The following OASL variants were observed in gnomAD, a reference collection of about 807,000 sequenced individuals.
The protein encoded by OASL is 2'-5'-oligoadenylate synthase-like protein.
Under a neutral mutation model 35.3 loss-of-function variants are expected in OASL, and 28 were observed. That is an observed-to-expected ratio of 0.79 (90% CI 0.59 to 1.09). The LOEUF is 1.09. Among genes scored for constraint, OASL ranks in the 50% least tolerant of loss-of-function variants. The pLI, the probability that OASL is intolerant of heterozygous loss-of-function variation, is 0.00. For missense variants in OASL, 620 were observed against 635.2 expected (o/e 0.98, Z 0.26); for synonymous variants, 252 against 254.6 (o/e 0.99, Z 0.10).
chr12:121,026,577 T>C (rs945001310), intron 4 of OASL, among the ~76,000 whole-genome samples: 1 of 152,120 alleles, frequency 6.6e-6, no homozygotes, highest in African/African-American at 2.4e-5. Flanking sequence ...TGGGGCCCAG[T>C]GCGGTGGCTC....
chr12:121,018,146 A>C (rs901327588), downstream of OASL, among the ~76,000 whole-genome samples: 89 of 152,190 alleles, frequency 5.8e-4, no homozygotes, highest in African/African-American at 2.1e-3. Flanking sequence ...ACCTCTGGGA[A>C]GTAATTAGTG....
intron 2 of OASL, among the ~76,000 whole-genome samples, chr12:121,031,913 G>A (rs1205592494): frequency 7.2e-5 from 11 of 152,058 alleles, no homozygotes; most frequent in Non-Finnish European, 1.6e-4. Flanking sequence ...TAGGGAGGCC[G>A]GGTGTGGTGG....
At chr12:121,033,405 G>T in intron 2 of OASL, 56 bp downstream of exon 2, 7 of 1,561,138 alleles carry the variant, frequency 4.5e-6, no homozygotes, top group South Asian at 1.2e-5. Context: ...TGAGACACTG[G>T]GAAGTCTCCT....
exon 6 of OASL, chr12:121,020,535 T>G: frequency 6.4e-7 from 1 of 1,572,260 alleles, no homozygotes; most frequent in Non-Finnish European, 8.6e-7. Context: ...ATGGCAGAAA[T>G]GTACAGAGAA....
intron 5 of OASL, 67 bp from the exon 6 acceptor site, chr12:121,021,125 C>CT: frequency 6.9e-7 from 1 of 1,454,290 alleles, no homozygotes; most frequent in Non-Finnish European, 9.1e-7. Context: ...CAAATGTTCC[C>CT]TTCATCTGTC....
At chr12:121,035,557 A>G (rs1054675086) in intron 1 of OASL, among the ~76,000 whole-genome samples, 1 of 152,026 alleles carries the variant, frequency 6.6e-6, no homozygotes, top group Non-Finnish European at 1.5e-5. Flanking sequence ...AAACGCCTTC[A>G]CTTCCTGTAT....
exon 6 of OASL, chr12:121,019,318 A>G (rs1869144449): frequency 6.6e-6 from 1 of 152,200 alleles, no homozygotes. Context: ...GAGGCTGTTG[A>G]TAACCAATTG....
chr12:121,033,456 C>T lies in OASL; in HGVS notation c.481+5G>A. 6.2e-7 allele frequency: 1 copy of T among 1,604,228 alleles called. No homozygotes were observed. The highest frequency in any genetic ancestry group is 2.2e-5 in the East Asian group (1 of 44,564). On this transcript the variant is annotated splice_donor_5th_base_variant and intron_variant, in intron 2 of 5. Coordinates refer to ENST00000257570, the Ensembl canonical transcript of OASL. ...GTGAGTCGGGTGAGCTTCCCCTCCC[C>T]TTACCCAGGGCTCTGTAGGCAGGCA...
At chr12:121,022,309 T>A (rs907644201) in intron 5 of OASL, among the ~76,000 whole-genome samples, 3 of 152,122 alleles carry the variant, frequency 2.0e-5, no homozygotes, top group African/African-American at 7.2e-5. Context: ...ATGGTTTCGA[T>A]CTCTTGACCT....
At chr12:121,034,990 G>A (rs938018073) in intron 1 of OASL, among the ~76,000 whole-genome samples, 7 of 151,824 alleles carry the variant, frequency 4.6e-5, no homozygotes, top group East Asian at 3.9e-4. Context: ...TATGCAAAGC[G>A]CCACAACTCT....
chr12:121,029,064 GAAA>G (rs10577200), intron 3 of OASL, among the ~76,000 whole-genome samples: 83 of 105,094 alleles, frequency 7.9e-4, no homozygotes, highest in Admixed American at 3.9e-3. Context: ...ACTTGTCTCA[GAAA>G]AAAAAAAAAA....
intron 2 of OASL, 82 bp downstream of exon 2, chr12:121,033,379 T>A: frequency 7.1e-7 from 1 of 1,400,326 alleles, no homozygotes; most frequent in South Asian, 1.3e-5. Context: ...TGTGTGCACG[T>A]GGCCATGAGT....
exon 6 of OASL, chr12:121,020,852 G>T: frequency 1.9e-6 from 3 of 1,614,218 alleles, no homozygotes; most frequent in Non-Finnish European, 2.5e-6. Context: ...TGTGGGAGAA[G>T]ATCCCATATT....
At chr12:121,039,015 C>A in exon 1 of OASL, 1 of 1,548,830 alleles carries the variant, frequency 6.5e-7, no homozygotes, top group Non-Finnish European at 8.9e-7. Context: ...TATAGCCAGG[C>A]TCCTACCCAG....
intron 2 of OASL, among the ~76,000 whole-genome samples, chr12:121,032,133 C>T (rs1171047690): frequency 6.6e-6 from 1 of 152,092 alleles, no homozygotes; most frequent in Non-Finnish European, 1.5e-5. Context: ...GTGGAGGTTG[C>T]AGTGAGCCGA....
chr12:121,031,644 G>C, intron 2 of OASL, 27 bp from the exon 3 acceptor site: 6 of 1,599,970 alleles, frequency 3.8e-6, no homozygotes, highest in Non-Finnish European at 5.1e-6. Flanking sequence ...CAAAGGAAGA[G>C]ATTGGGGATT....
downstream of OASL, among the ~76,000 whole-genome samples, chr12:121,018,501 C>T (rs910927551): frequency 3.9e-5 from 6 of 151,970 alleles, no homozygotes; most frequent in Non-Finnish European, 7.4e-5. Context: ...CTTAAGCTTT[C>T]AGGCCCCACG....
chr12:121,038,798 A>ATCCTGGTCCAGCCCACGCT lies in OASL; in HGVS notation c.155_173dup (p.Asp58GlufsTer121). 1 of 1,614,072 alleles carries ATCCTGGTCCAGCCCACGCT rather than the reference A, an allele frequency of 6.2e-7. No homozygotes were observed. The highest frequency in any genetic ancestry group is 1.7e-5 in the Admixed American group (1 of 60,002). On this transcript the variant is annotated frameshift_variant, in exon 1 of 6. Transcript: ENST00000257570. LOFTEE classifies it high-confidence loss of function. ...CCTTGACTACCTTCAGCACCCGCAC[A>ATCCTGGTCCAGCCCACGCT]TCCTGGTCCAGCCCACGCTTCCCCT...
intron 3 of OASL, among the ~76,000 whole-genome samples, chr12:121,029,155 A>G (rs1869627450): frequency 6.6e-6 from 1 of 150,868 alleles, no homozygotes; most frequent in Non-Finnish European, 1.5e-5. Flanking sequence ...CAGTAGTTTG[A>G]TTTGTGGAAG....
Sources: allele counts gnomAD v4.1 joint callset (sites outside exome capture counted in the v4.1 genomes callset), GRCh38; gene constraint gnomAD v4.1.1; transcripts MANE v1.5; gene names NCBI Gene and HGNC (gene_info 2026-07-23, HGNC 2026-07-21).